The following TMPRSS15 variants were observed in gnomAD, a reference collection of about 807,000 sequenced individuals.
The protein encoded by TMPRSS15 is enteropeptidase.
In TMPRSS15, 128 loss-of-function variants were observed where a neutral mutation model predicts 125.3. The observed-to-expected ratio is 1.02, with a 90% CI of 0.89 to 1.18. The LOEUF is 1.18. Ranked by LOEUF, TMPRSS15 falls within the 50% of genes most tolerant of loss-of-function variation. The probability of loss-of-function intolerance (pLI) is 0.00; values close to 1 mark genes in which losing one functional copy is unlikely to be tolerated. For missense variants in TMPRSS15, 1,283 were observed against 1,212.7 expected (o/e 1.06, Z -0.86); for synonymous variants, 446 against 423.2 (o/e 1.05, Z -0.66).
chr21:18,483,905 G>T (rs149890829), intron 1 of TMPRSS15, among the ~76,000 whole-genome samples: 147 of 151,918 alleles, frequency 9.7e-4, no homozygotes, highest in African/African-American at 3.2e-3. Flanking sequence ...GAGAATTATG[G>T]ATAACCAATA....
At chr21:18,315,083 C>T in intron 17 of TMPRSS15, 63 bp downstream of exon 17, 2 of 1,261,390 alleles carry the variant, frequency 1.6e-6, no homozygotes, top group South Asian at 2.4e-5. Context: ...CTTTCTTTGA[C>T]ACTGTAGAGT....
chr21:18,423,711 C>A (rs961767113), intron 1 of TMPRSS15, among the ~76,000 whole-genome samples: 1 of 151,966 alleles, frequency 6.6e-6, no homozygotes, highest in Non-Finnish European at 1.5e-5. Flanking sequence ...CCACCGCGCC[C>A]GGCCTAAAAT....
At chr21:18,390,213 C>A (rs2075979360) in intron 3 of TMPRSS15, among the ~76,000 whole-genome samples, 1 of 152,192 alleles carries the variant, frequency 6.6e-6, no homozygotes, top group Non-Finnish European at 1.5e-5. Context: ...CTCCTTCACA[C>A]AGTAACATGC....
chr21:18,401,586 G>T (rs909346892), intron 1 of TMPRSS15, among the ~76,000 whole-genome samples: 4 of 152,164 alleles, frequency 2.6e-5, no homozygotes, highest in African/African-American at 9.7e-5. Flanking sequence ...ACCAGAAGGG[G>T]AAAGTGGGAG....
intron 1 of TMPRSS15, among the ~76,000 whole-genome samples, chr21:18,414,149 A>C (rs1367094659): frequency 6.6e-6 from 1 of 152,110 alleles, no homozygotes; most frequent in African/African-American, 2.4e-5. Flanking sequence ...AATTTTTTAA[A>C]ATTCTTACAA....
intron 1 of TMPRSS15, 98 bp downstream of exon 1, chr21:18,403,380 T>C (rs2076114606): frequency 6.6e-7 from 1 of 1,507,054 alleles, no homozygotes; most frequent in Non-Finnish European, 9.2e-7. Flanking sequence ...ATAATGCATT[T>C]AGTTGGCAAT....
intron 1 of TMPRSS15, among the ~76,000 whole-genome samples, chr21:18,425,713 G>A (rs371332285): frequency 3.9e-5 from 6 of 151,926 alleles, no homozygotes; most frequent in Admixed American, 1.3e-4. Context: ...GAATAATAAC[G>A]TAGTGGAAAA....
chr21:18,348,093 G>C (rs968695220), intron 10 of TMPRSS15, among the ~76,000 whole-genome samples: 1 of 152,086 alleles, frequency 6.6e-6, no homozygotes, highest in African/African-American at 2.4e-5. Context: ...GCTGAGGTGG[G>C]AGTATCTCTT....
chr21:18,366,720 T>C (rs1333385756), intron 6 of TMPRSS15, among the ~76,000 whole-genome samples: 1 of 152,154 alleles, frequency 6.6e-6, no homozygotes, highest in Non-Finnish European at 1.5e-5. Flanking sequence ...TTACAATGTG[T>C]CTTTTTCTCT....
At chr21:18,439,842 G>T (rs948054919) in intron 1 of TMPRSS15, among the ~76,000 whole-genome samples, 1 of 152,162 alleles carries the variant, frequency 6.6e-6, no homozygotes, top group Non-Finnish European at 1.5e-5. Flanking sequence ...AGATAGCAGT[G>T]TAACCCAGTT....
intron 6 of TMPRSS15, among the ~76,000 whole-genome samples, chr21:18,365,778 T>C (rs2075730732): frequency 6.8e-6 from 1 of 145,998 alleles, no homozygotes; most frequent in African/African-American, 2.5e-5. Context: ...AGTTTCGCTC[T>C]TGTTGCGTGT....
chr21:18,352,251 C>T (rs2075577394), intron 10 of TMPRSS15, among the ~76,000 whole-genome samples: 1 of 152,042 alleles, frequency 6.6e-6, no homozygotes, highest in Non-Finnish European at 1.5e-5. Context: ...ATATTATTGT[C>T]TCTAATATTT....
intron 1 of TMPRSS15, among the ~76,000 whole-genome samples, chr21:18,437,957 C>T (rs1047283055): frequency 1.3e-5 from 2 of 151,392 alleles, no homozygotes; most frequent in African/African-American, 4.9e-5. Context: ...ACCATTTGAC[C>T]CAGCCATCCC....
At position 18,278,950 on chromosome 21, in the gene TMPRSS15, G is replaced by C. The variant is rs758932690; in HGVS notation, c.2764+14C>G. 5.9e-6 allele frequency: 2 copies of C among 336,914 alleles called. No homozygotes were observed. Among genetic ancestry groups the C allele is most frequent in the Admixed American group, 9.0e-5 (2 of 22,272 alleles). 20.9% of individuals were successfully genotyped at this position (336,914 alleles called of 1,614,324 possible). A position where few individuals can be genotyped will look rare whatever the true frequency, so the allele number is the denominator to read the frequency against. On this transcript the variant is annotated intron_variant, in intron 23 of 24. Transcript: ENST00000284885. ...TTTTTTTTTTTTTTTTTTTTTTTGA[G>C]TCTGATAATTTACCTTGATATACAA...
At chr21:18,284,491 T>TGGGTATATAAA (rs1036218529) in intron 21 of TMPRSS15, among the ~76,000 whole-genome samples, 4 of 152,220 alleles carry the variant, frequency 2.6e-5, no homozygotes, top group African/African-American at 9.6e-5. Flanking sequence ...GAAAACTTCC[T>TGGGTATATAAA]AGCTTTTTTA....
At chr21:18,439,377 A>C (rs571508573) in intron 1 of TMPRSS15, among the ~76,000 whole-genome samples, 6 of 152,322 alleles carry the variant, frequency 3.9e-5, no homozygotes, top group African/African-American at 1.4e-4. Context: ...TGATGATAAC[A>C]ATGCAGAATA....
intron 10 of TMPRSS15, among the ~76,000 whole-genome samples, chr21:18,346,125 G>A (rs2075506434): frequency 6.6e-6 from 1 of 151,934 alleles, no homozygotes; most frequent in African/African-American, 2.4e-5. Flanking sequence ...CTATTTTTGT[G>A]ATATCAGCTA....
intron 1 of TMPRSS15, among the ~76,000 whole-genome samples, chr21:18,444,058 G>A (rs1411954448): frequency 6.6e-6 from 1 of 152,060 alleles, no homozygotes; most frequent in Admixed American, 6.5e-5. Flanking sequence ...ATGGCAGGGT[G>A]GGTGAATCCA....
At chr21:18,286,335 C>T (rs2074764163) in intron 21 of TMPRSS15, among the ~76,000 whole-genome samples, 1 of 152,174 alleles carries the variant, frequency 6.6e-6, no homozygotes, top group Non-Finnish European at 1.5e-5. Flanking sequence ...CTACAATATA[C>T]TGAAAACTTC....
Sources: gnomAD v4.1 joint callset for allele counts (sites outside exome capture counted in the v4.1 genomes callset) on GRCh38, gnomAD v4.1.1 for gene constraint, MANE v1.5 for transcripts, NCBI Gene and HGNC (gene_info 2026-07-23, HGNC 2026-07-21) for gene names.